The following KCNH8 variants were observed in gnomAD, a reference collection of about 807,000 sequenced individuals.
KCNH8 encodes potassium voltage-gated channel subfamily H member 8.
KCNH8 carries 70 observed loss-of-function variants against 103.6 expected under a neutral mutation model. The ratio of observed to expected loss-of-function variants is 0.68; its 90% CI spans 0.56 to 0.82. The LOEUF is 0.82. Among genes scored for constraint, KCNH8 ranks in the 40% least tolerant of loss-of-function variants. The pLI, the probability that KCNH8 is intolerant of heterozygous loss-of-function variation, is 0.00. For synonymous variants in KCNH8, 498 were observed against 489.4 expected (o/e 1.02, Z -0.23); for missense variants, 1,217 against 1,329.9 (o/e 0.92, Z 1.32).
At chr3:19,487,671 G>T (rs1308654659) in intron 11 of KCNH8, among the ~76,000 whole-genome samples, 3 of 152,066 alleles carry the variant, frequency 2.0e-5, no homozygotes, top group Non-Finnish European at 4.4e-5. Context: ...TCTTGGCCTG[G>T]CTCGGTTAGA....
chr3:19,470,131 A>G (rs2067825345), intron 11 of KCNH8, among the ~76,000 whole-genome samples: 1 of 152,156 alleles, frequency 6.6e-6, no homozygotes, highest in Non-Finnish European at 1.5e-5. Flanking sequence ...CATCCTGGGA[A>G]TCCTGTTAAG....
intron 5 of KCNH8, among the ~76,000 whole-genome samples, chr3:19,370,649 T>C (rs2066076454): frequency 1.3e-5 from 2 of 152,176 alleles, no homozygotes; most frequent in African/African-American, 4.8e-5. Flanking sequence ...AGGGTACATA[T>C]GCACATTGTG....
At chr3:19,524,361 G>A (rs2069026213) in intron 15 of KCNH8, among the ~76,000 whole-genome samples, 1 of 151,782 alleles carries the variant, frequency 6.6e-6, no homozygotes, top group African/African-American at 2.4e-5. Context: ...TTAACTGCTG[G>A]CAAAACCAAC....
chr3:19,173,956 TGTA>T lies in KCNH8; in HGVS notation c.76+25165_76+25167del, dbSNP rs1438069356. On this transcript the variant is annotated intron_variant, in intron 1 of 15. Coordinates refer to ENST00000328405, the MANE Select transcript of KCNH8 (RefSeq NM_144633.3). ...TGTCTTTATTGATTTTTTAATCTGT[TGTA>T]GTATCTAGTATCTGTGTGTTATAAT... is the stretch of plus-strand genomic sequence containing the variant. 3.3e-5 allele frequency among the ~76,000 whole-genome samples: 5 copies of T among 151,060 alleles called. No homozygotes were observed. The East Asian group carries it at 9.7e-4, about 29-fold the overall frequency.
intron 1 of KCNH8, among the ~76,000 whole-genome samples, chr3:19,155,064 A>G (rs956731704): frequency 1.2e-4 from 19 of 152,330 alleles, no homozygotes; most frequent in African/African-American, 4.6e-4. Flanking sequence ...TCCCTGGAAG[A>G]TATGTTTTGC....
intron 3 of KCNH8, among the ~76,000 whole-genome samples, chr3:19,319,756 CA>C (rs2065324762): frequency 6.6e-6 from 1 of 151,970 alleles, no homozygotes; most frequent in African/African-American, 2.4e-5. Flanking sequence ...TTGCTTTTGA[CA>C]GTATGGTCAT....
chr3:19,347,995 A>G, intron 5 of KCNH8, 30 bp downstream of exon 5: 1 of 1,605,758 alleles, frequency 6.2e-7, no homozygotes, highest in Non-Finnish European at 8.5e-7. Context: ...TTCCTACGAT[A>G]TTTGCATATG....
chr3:19,190,106 A>G (rs2063537385), intron 1 of KCNH8, among the ~76,000 whole-genome samples: 1 of 151,996 alleles, frequency 6.6e-6, no homozygotes, highest in African/African-American at 2.4e-5. Flanking sequence ...AGATATCAGA[A>G]TCAATATGTT....
intron 1 of KCNH8, among the ~76,000 whole-genome samples, chr3:19,200,771 C>T (rs984188287): frequency 6.6e-6 from 1 of 151,982 alleles, no homozygotes; most frequent in Non-Finnish European, 1.5e-5. Flanking sequence ...ACACGAAGTT[C>T]TCCCAAACCG....
intron 11 of KCNH8, among the ~76,000 whole-genome samples, chr3:19,474,418 G>C (rs992846649): frequency 6.6e-5 from 10 of 152,078 alleles, no homozygotes; most frequent in Non-Finnish European, 8.8e-5. Flanking sequence ...CAGCATGCCA[G>C]GATGCCAAAA....
chr3:19,491,591 G>C lies in KCNH8; in HGVS notation c.2041-18772G>C, dbSNP rs559620646. Among the ~76,000 whole-genome samples, 96 of 152,294 alleles carry C rather than the reference G, an allele frequency of 6.3e-4. No individual in the cohort carries two copies. In the Middle Eastern group the frequency reaches 0.01, roughly 16 times the overall value. Reference sequence around the variant, plus strand: ...CATTTTCTTTATCCAATCCACCACTGACGGTCACCTATGCTGATTCTATGT... The same window carrying C: ...CATTTTCTTTATCCAATCCACCACTCACGGTCACCTATGCTGATTCTATGT... On this transcript the variant is annotated intron_variant, in intron 11 of 15. Coordinates refer to ENST00000328405, the MANE Select transcript of KCNH8 (RefSeq NM_144633.3).
rs2069209564 is a variant in KCNH8 at position 19,533,651 on chromosome 3, G to A, written c.2876G>A (p.Trp959Ter). ...AGCAGTAATATCACCTCAGACATTT[G>A]GAGTGTGGATCCCTCCTCTGTGGGG... ...LCSSNITSDI[W>*]SVDPSSVGSS... The change falls in exon 16 of 16, where the codon TGG (tryptophan) becomes TAG (stop). Residue 959 changes from tryptophan (W) to a stop codon, truncating the protein, a stop_gained. Coordinates refer to ENST00000328405, the MANE Select transcript of KCNH8 (RefSeq NM_144633.3). LOFTEE classifies it high-confidence loss of function. 1.2e-6 allele frequency: 2 copies of A among 1,614,034 alleles called. No individual in the cohort carries two copies. Among genetic ancestry groups the A allele is most frequent in the Non-Finnish European group, 1.7e-6 (2 of 1,180,032 alleles).
chr3:19,501,801 A>G (rs2068589510), intron 11 of KCNH8, among the ~76,000 whole-genome samples: 1 of 152,156 alleles, frequency 6.6e-6, no homozygotes, highest in African/African-American at 2.4e-5. Flanking sequence ...TATCTATGAC[A>G]AACCCACAGC....
Position 19,456,972 on chromosome 3 carries a change from A to T in KCNH8, c.2030A>T (p.His677Leu), listed in dbSNP as rs200353359. ...HDLTYNLREG[H>L]ESDVISRLSN... ...CTCACATACAACCTCCGAGAAGGTCATGAGAGTGATGTAAGTCCCATTTCT... is the reference window on the plus strand; with the variant it reads ...CTCACATACAACCTCCGAGAAGGTCTTGAGAGTGATGTAAGTCCCATTTCT... Residue 677 changes from histidine to leucine, a missense_variant, in exon 11 of 16, where the codon CAT becomes CTT. This residue lies in a region of KCNH8 where 415 missense variants were observed against 577.4 expected (regional missense o/e 0.72). Coordinates refer to ENST00000328405, the MANE Select transcript of KCNH8 (RefSeq NM_144633.3). 1 of 1,608,386 alleles carries T rather than the reference A, an allele frequency of 6.2e-7. No individual in the cohort carries two copies. Among genetic ancestry groups the T allele is most frequent in the African/African-American group, 1.3e-5 (1 of 74,842 alleles).
At chr3:19,364,283 A>T (rs982508203) in intron 5 of KCNH8, among the ~76,000 whole-genome samples, 3 of 152,026 alleles carry the variant, frequency 2.0e-5, no homozygotes, top group African/African-American at 7.2e-5. Flanking sequence ...CCTTCCAGTT[A>T]TTCTGTTTAG....
At chr3:19,232,884 T>G (rs1220730752) in intron 1 of KCNH8, among the ~76,000 whole-genome samples, 4 of 152,210 alleles carry the variant, frequency 2.6e-5, no homozygotes, top group South Asian at 2.1e-4. Context: ...TGTTGCCAAA[T>G]TCAAAGCATG....
At chr3:19,384,993 A>G (rs2066337259) in intron 5 of KCNH8, among the ~76,000 whole-genome samples, 1 of 152,074 alleles carries the variant, frequency 6.6e-6, no homozygotes, top group Non-Finnish European at 1.5e-5. Flanking sequence ...ACCAAACTAG[A>G]GAGTATCATC....
At chr3:19,349,014 G>C (rs1403425393) in intron 5 of KCNH8, among the ~76,000 whole-genome samples, 1 of 151,674 alleles carries the variant, frequency 6.6e-6, no homozygotes, top group African/African-American at 2.4e-5. Context: ...GTGTGCTCTT[G>C]GTATGGCTTG....
chr3:19,247,112 C>T (rs1236550769), intron 1 of KCNH8, among the ~76,000 whole-genome samples: 3 of 152,080 alleles, frequency 2.0e-5, no homozygotes, highest in Admixed American at 2.0e-4. Flanking sequence ...AGAATGAAAC[C>T]TAGCAATATG....
Sources: gnomAD v4.1 joint callset for allele counts (sites outside exome capture counted in the v4.1 genomes callset) on GRCh38, gnomAD v4.1.1 for gene constraint, gnomAD v4.1.1 regional missense constraint, MANE v1.5 for transcripts, NCBI Gene and HGNC (gene_info 2026-07-23, HGNC 2026-07-21) for gene names.